The following DYTN variants were observed in gnomAD, a reference collection of about 807,000 sequenced individuals.
DYTN encodes dystrotelin.
A neutral mutation model predicts 69.6 loss-of-function variants in DYTN; 75 were observed. The observed-to-expected ratio is 1.08, with a 90% CI of 0.89 to 1.31. The LOEUF (loss-of-function observed/expected upper bound fraction) is 1.31, where lower values mean the gene tolerates loss of function less well. Ranked by LOEUF, DYTN falls within the 50% of genes most tolerant of loss-of-function variation. DYTN has a pLI of 0.00. For missense variants in DYTN, 726 were observed against 688.4 expected (o/e 1.05, Z -0.61); for synonymous variants, 252 against 249.1 (o/e 1.01, Z -0.11).
intron 11 of DYTN, among the ~76,000 whole-genome samples, 174 bp from the exon 12 acceptor site, chr2:206,652,095 A>G (rs1330145870): frequency 1.3e-5 from 2 of 152,240 alleles, no homozygotes; most frequent in Non-Finnish European, 2.9e-5. Context: ...CACGATCATT[A>G]CTACGAATTC....
intron 9 of DYTN, among the ~76,000 whole-genome samples, chr2:206,674,596 C>T (rs1699662725): frequency 6.6e-6 from 1 of 151,966 alleles, no homozygotes; most frequent in Non-Finnish European, 1.5e-5. Context: ...CATAAAAACT[C>T]AAATGCTCAA....
rs374724971 is a variant in DYTN at position 206,663,900 on chromosome 2, G to A, written c.1141-505C>T. Among the ~76,000 whole-genome samples, 28 of 152,280 alleles carry A rather than the reference G, an allele frequency of 1.8e-4. 1 individual carries two copies. The highest frequency in any genetic ancestry group is 6.2e-4 in the South Asian group (3 of 4,824). Reference sequence around the variant, plus strand: ...CCAAGACCCTTCTAGGGTTTGTGATGTCAAAATTATGTTCATAAGGATACT... The same window carrying A: ...CCAAGACCCTTCTAGGGTTTGTGATATCAAAATTATGTTCATAAGGATACT... On this transcript the variant is annotated intron_variant, in intron 10 of 11. Coordinates refer to ENST00000452335, the MANE Select transcript of DYTN (RefSeq NM_001093730.1).
intron 9 of DYTN, among the ~76,000 whole-genome samples, chr2:206,671,073 T>G (rs1699624602): frequency 6.6e-6 from 1 of 152,172 alleles, no homozygotes; most frequent in Admixed American, 6.5e-5. Context: ...CCTTGTCTCT[T>G]ACATCACACT....
chr2:206,677,272 G>T (rs1394838822), intron 9 of DYTN, among the ~76,000 whole-genome samples: 1 of 152,102 alleles, frequency 6.6e-6, no homozygotes, highest in Non-Finnish European at 1.5e-5. Flanking sequence ...CATGTCAATT[G>T]TATCTCAATA....
chr2:206,683,110 A>T lies in DYTN; in HGVS notation c.980+10065T>A, dbSNP rs528889827. ...AAACAGATTGAAATTTTAAGTTAAA[A>T]TTTGTAATAGAAATATTGGAAAAAA... On this transcript the variant is annotated intron_variant, in intron 9 of 11. Coordinates refer to ENST00000452335, the MANE Select transcript of DYTN (RefSeq NM_001093730.1). Among the ~76,000 whole-genome samples, 269 of 152,292 alleles carry T rather than the reference A, an allele frequency of 1.8e-3. 3 individuals are homozygous for T. Among genetic ancestry groups the T allele is most frequent in the African/African-American group, 6.1e-3 (255 of 41,562 alleles).
chr2:206,705,959 T>C, intron 3 of DYTN, 86 bp from the exon 4 acceptor site: 1 of 1,432,774 alleles, frequency 7.0e-7, no homozygotes, highest in South Asian at 1.2e-5. Context: ...TAACTATTAA[T>C]GGGCATTTCT....
chr2:206,656,624 C>T (rs1001423632), intron 11 of DYTN, among the ~76,000 whole-genome samples: 26 of 151,998 alleles, frequency 1.7e-4, no homozygotes, highest in African/African-American at 6.3e-4. Flanking sequence ...GCATCTTTGA[C>T]AGCTATTATA....
intron 9 of DYTN, among the ~76,000 whole-genome samples, chr2:206,690,696 G>T (rs1471453459): frequency 6.6e-6 from 1 of 152,242 alleles, no homozygotes; most frequent in African/African-American, 2.4e-5. Flanking sequence ...TGTTGGAGTT[G>T]CAAGAGGGAG....
At chr2:206,667,479 TC>T (rs1699585883) in intron 9 of DYTN, among the ~76,000 whole-genome samples, 1 of 152,174 alleles carries the variant, frequency 6.6e-6, no homozygotes, top group African/African-American at 2.4e-5. Flanking sequence ...CCCCAACCTC[TC>T]CTCCAGCATG....
chr2:206,657,086 T>C (rs901489090), intron 11 of DYTN, among the ~76,000 whole-genome samples: 1 of 151,972 alleles, frequency 6.6e-6, no homozygotes, highest in Non-Finnish European at 1.5e-5. Flanking sequence ...TTCTTTTTGG[T>C]TTGTTTATTT....
intron 1 of DYTN, among the ~76,000 whole-genome samples, chr2:206,710,804 A>G (rs117355399): frequency 0.018 from 2,711 of 152,252 alleles, 135 homozygotes; most frequent in Admixed American, 0.11. Flanking sequence ...TCACCTTCTC[A>G]GTCCACCAAA....
intron 11 of DYTN, among the ~76,000 whole-genome samples, chr2:206,656,289 A>T (rs1330489584): frequency 1.3e-5 from 2 of 152,178 alleles, no homozygotes; most frequent in Non-Finnish European, 2.9e-5. Context: ...GTCTCATATA[A>T]CTATAGCCAC....
chr2:206,715,855 C>T (rs2105904069), intron 1 of DYTN, among the ~76,000 whole-genome samples: 1 of 152,096 alleles, frequency 6.6e-6, no homozygotes, highest in Non-Finnish European at 1.5e-5. Flanking sequence ...TTTGGGAGGC[C>T]AAGGCAGGTG....
intron 11 of DYTN, among the ~76,000 whole-genome samples, chr2:206,654,495 A>G (rs919245402): frequency 4.6e-5 from 7 of 152,218 alleles, no homozygotes; most frequent in African/African-American, 1.7e-4. Context: ...TACAAATAAC[A>G]TACAAAATAT....
At chr2:206,711,294 A>C (rs571141833) in intron 1 of DYTN, among the ~76,000 whole-genome samples, 2 of 152,360 alleles carry the variant, frequency 1.3e-5, no homozygotes, top group East Asian at 3.9e-4. Flanking sequence ...ACCATCACCA[A>C]TAGCAGTACA....
At position 206,698,571 on chromosome 2, in the gene DYTN, G is replaced by A. The variant is rs112417707; in HGVS notation, c.719+1156C>T. 4.1e-3 allele frequency among the ~76,000 whole-genome samples: 619 copies of A among 152,244 alleles called. 2 individuals carry two copies. The highest frequency in any genetic ancestry group is 7.5e-3 in the Non-Finnish European group (512 of 68,012). ...CATCCCCAGCCCCTGTTCACTCATC[G>A]TGAATAATGGCTTCTTCCATGCCTG... is the stretch of plus-strand genomic sequence containing the variant. On this transcript the variant is annotated intron_variant, in intron 7 of 11. Coordinates refer to ENST00000452335, the MANE Select transcript of DYTN (RefSeq NM_001093730.1).
At chr2:206,662,357 C>G (rs1214766993) in intron 11 of DYTN, among the ~76,000 whole-genome samples, 1 of 152,032 alleles carries the variant, frequency 6.6e-6, no homozygotes, top group Non-Finnish European at 1.5e-5. Flanking sequence ...GTAAAGATAA[C>G]AAAATACCCT....
At chr2:206,652,133 T>C (rs1451147956) in intron 11 of DYTN, among the ~76,000 whole-genome samples, 1 of 152,210 alleles carries the variant, frequency 6.6e-6, no homozygotes, top group Non-Finnish European at 1.5e-5. Flanking sequence ...TAAGAAGCAC[T>C]TTCCCACGGC....
chr2:206,671,350 C>G (rs1699627950), intron 9 of DYTN, among the ~76,000 whole-genome samples: 1 of 152,192 alleles, frequency 6.6e-6, no homozygotes, highest in South Asian at 2.1e-4. Flanking sequence ...GAAGAAGAAA[C>G]TGAACTATAT....
Sources: allele counts gnomAD v4.1 joint callset (sites outside exome capture counted in the v4.1 genomes callset), GRCh38; gene constraint gnomAD v4.1.1; transcripts MANE v1.5; gene names NCBI Gene and HGNC (gene_info 2026-07-23, HGNC 2026-07-21).